Variants in RRM2 observed in about 807,000 individuals in gnomAD.
RRM2 encodes ribonucleoside-diphosphate reductase subunit M2.
Under a neutral mutation model 45.9 loss-of-function variants are expected in RRM2, and 6 were observed. The ratio of observed to expected loss-of-function variants is 0.13; its 90% confidence interval spans 0.07 to 0.26. The LOEUF (loss-of-function observed/expected upper bound fraction) is 0.26, where lower values mean the gene tolerates loss of function less well. Among genes scored for constraint, RRM2 ranks in the 10% least tolerant of loss-of-function variants. The pLI, the probability that RRM2 is intolerant of heterozygous loss-of-function variation, is 1.00. For missense variants in RRM2, 343 were observed against 489.5 expected (o/e 0.70, Z 2.82); for synonymous variants, 177 against 173.0 (o/e 1.02, Z -0.18).
At chr2:10,208,839 C>A (rs1397224572) in intron 3 of RRM2, among the ~76,000 whole-genome samples, 1 of 152,004 alleles carries the variant, frequency 6.6e-6, no homozygotes, top group Non-Finnish European at 1.5e-5. Context: ...CAGACACTCA[C>A]GTATCACCCT....
chr2:10,162,923 C>T (rs1334024821), intron 3 of RRM2, among the ~76,000 whole-genome samples: 2 of 152,220 alleles, frequency 1.3e-5, no homozygotes, highest in African/African-American at 2.4e-5. Flanking sequence ...ACTGCAGGTC[C>T]CAGGAGGAGC....
At chr2:10,138,861 A>AGG (rs1558384700), upstream of RRM2, among the ~76,000 whole-genome samples, 3 of 152,072 alleles carry the variant, frequency 2.0e-5, no homozygotes, top group African/African-American at 7.2e-5. Flanking sequence ...TAATCCCAAC[A>AGG]CTTTGGGAGG....
Position 10,123,790 on chromosome 2 carries a change from T to C in RRM2, c.373T>C (p.Tyr125His). The C allele has an allele frequency of 6.2e-7, 1 of 1,613,360 alleles. No homozygotes were observed. Among genetic ancestry groups the C allele is most frequent in the Non-Finnish European group, 8.5e-7 (1 of 1,179,268 alleles). Residue 125 changes from tyrosine to histidine, a missense_variant, in exon 4 of 10, where the codon TAT becomes CAT. By Grantham distance (83) the Tyr-to-His change is moderately conservative. This residue lies in a region of RRM2 where 212 missense variants were observed against 368.1 expected (regional missense o/e 0.58). Transcript: ENST00000304567. ...HWESLKPEER[Y>H]FISHVLAFFA... is the part of the protein sequence containing the mutation. ...GGAATCCCTGAAACCCGAGGAGAGA[T>C]ATTTTATATCCCATGTTCTGGCTTT...
intron 3 of RRM2, among the ~76,000 whole-genome samples, chr2:10,152,430 T>G (rs1663332575): frequency 6.6e-6 from 1 of 151,974 alleles, no homozygotes; most frequent in Non-Finnish European, 1.5e-5. Context: ...GAAGTCCAAT[T>G]TACTGTTGCT....
downstream of RRM2, among the ~76,000 whole-genome samples, chr2:10,132,065 G>T (rs559655824): frequency 5.3e-5 from 8 of 152,272 alleles, no homozygotes; most frequent in East Asian, 7.7e-4. Context: ...ATTGGTCCCT[G>T]TGTCTATAAA....
chr2:10,138,351 G>C (rs1262151025), upstream of RRM2, among the ~76,000 whole-genome samples: 3 of 152,114 alleles, frequency 2.0e-5, no homozygotes, highest in African/African-American at 4.8e-5. Flanking sequence ...ATTTTTAGTA[G>C]AGACGGGGTT....
downstream of RRM2, among the ~76,000 whole-genome samples, chr2:10,133,360 A>G (rs1163495868): frequency 6.6e-6 from 1 of 152,132 alleles, no homozygotes; most frequent in Non-Finnish European, 1.5e-5. Context: ...ACCTCCCTTC[A>G]CCTGGTACTG....
intron 3 of RRM2, chr2:10,199,137 G>A (rs1664479903): frequency 6.6e-6 from 1 of 152,064 alleles, no homozygotes; most frequent in South Asian, 2.1e-4. Flanking sequence ...ACTGAACATG[G>A]TGCTGGAGTG....
At chr2:10,183,776 C>T (rs1326799492) in intron 3 of RRM2, among the ~76,000 whole-genome samples, 2 of 143,676 alleles carry the variant, frequency 1.4e-5, no homozygotes, top group South Asian at 2.3e-4. Context: ...GCCTGGGTGA[C>T]GGAGTGAGAC....
At chr2:10,144,948 A>G (rs1475275729) in intron 3 of RRM2, among the ~76,000 whole-genome samples, 2 of 152,224 alleles carry the variant, frequency 1.3e-5, no homozygotes, top group African/African-American at 4.8e-5. Context: ...TACACCATGT[A>G]GCATGAGCAC....
intron 3 of RRM2, among the ~76,000 whole-genome samples, chr2:10,159,354 C>T (rs994047479): frequency 5.3e-5 from 8 of 152,204 alleles, no homozygotes; most frequent in African/African-American, 9.7e-5. Context: ...CTGGGAATGT[C>T]GCTGAGTCTT....
In RRM2 at chr2:10,172,435, G is replaced by C. The variant is rs1663823417; in HGVS notation, n.482+30060G>C. ...TGTCTCCGTCAGTGATTTATAGGAA[G>C]CTGGCTCAACCGAGAGCTGAGGGAA... is the stretch of plus-strand genomic sequence containing the variant. On this transcript the variant is annotated intron_variant and non_coding_transcript_variant, in intron 3 of 3. Coordinates refer to the RRM2 transcript ENST00000381786. The surrounding 1 kb of genome is among the most constrained non-coding windows in gnomAD (Gnocchi z 4.9). 6.6e-6 allele frequency among the ~76,000 whole-genome samples: 1 copy of C among 152,184 alleles called. No homozygotes were observed. Among genetic ancestry groups the C allele is most frequent in the African/African-American group, 2.4e-5 (1 of 41,456 alleles).
At chr2:10,199,800 A>AAAAAAAAAAAAAAAAAAAAAAAC (rs1572534126) in intron 3 of RRM2, among the ~76,000 whole-genome samples, 2 of 97,892 alleles carry the variant, frequency 2.0e-5, no homozygotes, top group African/African-American at 4.0e-5. Context: ...AAAAAAAAAA[A>AAAAAAAAAAAAAAAAAAAAAAAC]AAAAAAAAAC....
chr2:10,124,197 C>T (rs539172555), intron 4 of RRM2: 4 of 271,998 alleles, frequency 1.5e-5, no homozygotes, highest in Non-Finnish European at 2.8e-5. Flanking sequence ...CCTCCGCCTC[C>T]TGGGTTCAAG....
chr2:10,182,515 T>A (rs1172659334), intron 3 of RRM2, among the ~76,000 whole-genome samples: 1 of 152,128 alleles, frequency 6.6e-6, no homozygotes, highest in Non-Finnish European at 1.5e-5. Context: ...CAGTTTTAAT[T>A]GAAGTTGGGC....
chr2:10,183,481 C>A (rs1664102292), intron 3 of RRM2, among the ~76,000 whole-genome samples: 1 of 152,338 alleles, frequency 6.6e-6, no homozygotes, highest in East Asian at 1.9e-4. Context: ...GCTGCCTGCC[C>A]CTCCATGGCA....
upstream of RRM2, among the ~76,000 whole-genome samples, chr2:10,139,925 A>G (rs1663050434): frequency 1.3e-5 from 2 of 152,180 alleles, no homozygotes; most frequent in Non-Finnish European, 2.9e-5. Context: ...CTGGTTTTAT[A>G]CATACCAGGA....
chr2:10,137,971 G>T (rs1663020481), upstream of RRM2, among the ~76,000 whole-genome samples: 1 of 152,128 alleles, frequency 6.6e-6, no homozygotes, highest in Admixed American at 6.5e-5. Flanking sequence ...AGGGGCCGCT[G>T]CAGCAAAGGG....
At chr2:10,207,299 C>T (rs1175274668) in intron 3 of RRM2, among the ~76,000 whole-genome samples, 2 of 152,172 alleles carry the variant, frequency 1.3e-5, no homozygotes. Flanking sequence ...CACCCAGCTG[C>T]CACTGCATTT....
Sources: allele counts gnomAD v4.1 joint callset (sites outside exome capture counted in the v4.1 genomes callset), GRCh38; gene constraint gnomAD v4.1.1; regional missense constraint gnomAD v4.1.1; non-coding constraint Gnocchi (gnomAD v3.1); transcripts MANE v1.5; gene names NCBI Gene and HGNC (gene_info 2026-07-23, HGNC 2026-07-21).